The following TSHR variants were observed in gnomAD, a reference collection of about 807,000 sequenced individuals.
TSHR encodes thyrotropin receptor.
TSHR carries 51 observed loss-of-function variants against 64.1 expected under a neutral mutation model. That is an observed-to-expected ratio of 0.80 (90% CI 0.64 to 1.01). TSHR has a LOEUF of 1.01. TSHR is among the 50% of genes least tolerant of loss of function. The pLI, the probability that TSHR is intolerant of heterozygous loss-of-function variation, is 0.00. For missense variants in TSHR, 877 were observed against 942.8 expected, an observed-to-expected ratio of 0.93 and a Z score of 0.91; for synonymous variants, 361 against 361.9, an observed-to-expected ratio of 1.00 and a Z score of 0.03.
chr14:81,071,600 C>T (rs1018546310), intron 3 of TSHR, among the ~76,000 whole-genome samples: 10 of 151,712 alleles, frequency 6.6e-5, no homozygotes, highest in African/African-American at 2.4e-4. Context: ...CTTGTCTCTA[C>T]CAAAAAAAAA....
chr14:81,002,874 A>T (rs1889415785), intron 1 of TSHR, among the ~76,000 whole-genome samples: 1 of 59,264 alleles, frequency 1.7e-5, no homozygotes, highest in Non-Finnish European at 3.4e-5. Flanking sequence ...ACATGTGCAC[A>T]TTGTGCAGGT....
At chr14:81,116,790 C>T (rs1890534029) in intron 8 of TSHR, among the ~76,000 whole-genome samples, 2 of 150,980 alleles carry the variant, frequency 1.3e-5, no homozygotes, top group African/African-American at 4.9e-5. Flanking sequence ...AAGTAAAGTT[C>T]TCCTCAGCAA....
intron 1 of TSHR, among the ~76,000 whole-genome samples, chr14:80,958,830 A>G (rs978908747): frequency 1.3e-5 from 2 of 152,154 alleles, no homozygotes; most frequent in African/African-American, 4.8e-5. Context: ...CAAGTTTTGT[A>G]TTATTCAGAG....
At chr14:80,976,590 T>C (rs1005605504) in intron 1 of TSHR, among the ~76,000 whole-genome samples, 1 of 152,220 alleles carries the variant, frequency 6.6e-6, no homozygotes, top group Non-Finnish European at 1.5e-5. Flanking sequence ...ATTGAGCAAG[T>C]ATGTCCAACT....
intron 1 of TSHR, among the ~76,000 whole-genome samples, chr14:81,016,728 G>A (rs1254274896): frequency 6.6e-6 from 1 of 152,086 alleles, no homozygotes; most frequent in East Asian, 1.9e-4. Context: ...CAAGATCAAT[G>A]TCAAAGAGGT....
At chr14:81,049,049 C>T (rs1885308251) in intron 1 of TSHR, among the ~76,000 whole-genome samples, 1 of 152,154 alleles carries the variant, frequency 6.6e-6, no homozygotes, top group Admixed American at 6.5e-5. Flanking sequence ...TGTTATACAT[C>T]ATTTTCTTAA....
At chr14:81,120,335 A>T (rs1381398826) in intron 8 of TSHR, among the ~76,000 whole-genome samples, 5 of 152,164 alleles carry the variant, frequency 3.3e-5, no homozygotes, top group Non-Finnish European at 5.9e-5. Context: ...ACCTTCGAGG[A>T]AATCCATTGA....
chr14:81,025,592 A>T (rs1483955928), intron 1 of TSHR, among the ~76,000 whole-genome samples: 4 of 152,242 alleles, frequency 2.6e-5, no homozygotes, highest in Admixed American at 2.6e-4. Flanking sequence ...AATAGACAAT[A>T]CATTAAACTG....
intron 1 of TSHR, among the ~76,000 whole-genome samples, chr14:81,042,088 A>G (rs976394881): frequency 6.6e-6 from 1 of 152,202 alleles, no homozygotes; most frequent in Non-Finnish European, 1.5e-5. Flanking sequence ...AAAAGTCACA[A>G]TGAGATATCA....
Position 81,037,448 on chromosome 14 carries a change from A to C in TSHR, c.171-24700A>C, listed in dbSNP as rs866551184. Among the ~76,000 whole-genome samples the C allele has an allele frequency of 1.7e-3, 214 of 128,454 alleles. 1 individual carries two copies. The highest frequency in any genetic ancestry group is 2.2e-3 in the Non-Finnish European group (120 of 54,330). 84.3% of individuals were successfully genotyped at this position (128,454 alleles called of 152,430 possible). ...ACAAACAAACAAACAAACAAACAAA[A>C]AACAGAAAATGATCTAACAAAATGT... On this transcript the variant is annotated intron_variant, in intron 1 of 9. Coordinates refer to ENST00000298171, the MANE Select transcript of TSHR (RefSeq NM_000369.5).
At chr14:81,058,138 C>A (rs1056358027) in intron 1 of TSHR, among the ~76,000 whole-genome samples, 20 of 152,198 alleles carry the variant, frequency 1.3e-4, no homozygotes, top group African/African-American at 4.6e-4. Context: ...CCCATTGCTA[C>A]TGCAAGAACC....
At chr14:81,061,752 T>C (rs1886258966) in intron 1 of TSHR, among the ~76,000 whole-genome samples, 1 of 152,076 alleles carries the variant, frequency 6.6e-6, no homozygotes, top group African/African-American at 2.4e-5. Context: ...CCAGTTTACC[T>C]ATATAACAAA....
intron 1 of TSHR, among the ~76,000 whole-genome samples, chr14:81,060,432 C>T (rs1419546737): frequency 6.6e-6 from 1 of 151,970 alleles, no homozygotes; most frequent in Non-Finnish European, 1.5e-5. Flanking sequence ...TTTATGGGAC[C>T]TGAATTTCTG....
At chr14:80,998,999 C>T (rs1450445794) in intron 1 of TSHR, among the ~76,000 whole-genome samples, 1 of 152,142 alleles carries the variant, frequency 6.6e-6, no homozygotes, top group East Asian at 1.9e-4. Context: ...CAACTGGGGT[C>T]TTAGCATCAA....
rs763398101 is a variant in TSHR, at chr14:81,144,315, G to A, written c.2257G>A (p.Gly753Ser). 2.3e-5 allele frequency: 37 copies of A among 1,614,122 alleles called. No homozygotes were observed. In the East Asian group the frequency reaches 8.0e-4, roughly 35 times the overall value. ...CTCCCATCTAACCCCAAAGAAGCAA[G>A]GCCAAATCTCAGAAGAGTATATGCA... ...ENSHLTPKKQGQISEEYMQTV... is the reference protein window; with the variant it reads ...ENSHLTPKKQSQISEEYMQTV... Residue 753 changes from glycine (G) to serine (S), a missense_variant, in exon 10 of 10, where the codon GGC becomes AGC. Coordinates refer to ENST00000298171, the MANE Select transcript of TSHR (RefSeq NM_000369.5).
intron 1 of TSHR, among the ~76,000 whole-genome samples, chr14:81,011,920 C>A (rs1164318851): frequency 6.6e-6 from 1 of 151,838 alleles, no homozygotes; most frequent in Non-Finnish European, 1.5e-5. Context: ...CAAGGAAAAT[C>A]TTTTTTATTT....
intron 1 of TSHR, among the ~76,000 whole-genome samples, chr14:80,972,502 T>C (rs190932317): frequency 3.9e-5 from 6 of 152,250 alleles, no homozygotes; most frequent in African/African-American, 1.4e-4. Flanking sequence ...CAAATTCATG[T>C]CTCCCAACTC....
intron 7 of TSHR, chr14:81,104,069 A>G (rs778499109): frequency 9.1e-6 from 9 of 985,346 alleles, no homozygotes; most frequent in Admixed American, 6.2e-5. Context: ...GCTATTATTT[A>G]TCATGGGGTA....
intron 3 of TSHR, among the ~76,000 whole-genome samples, chr14:81,072,685 A>C (rs1407957496): frequency 6.6e-6 from 1 of 152,130 alleles, no homozygotes; most frequent in Non-Finnish European, 1.5e-5. Context: ...CTGAATTTTT[A>C]ATACTCGCTG....
Sources: allele counts gnomAD v4.1 joint callset (sites outside exome capture counted in the v4.1 genomes callset), GRCh38; gene constraint gnomAD v4.1.1; transcripts MANE v1.5; gene names NCBI Gene and HGNC (gene_info 2026-07-23, HGNC 2026-07-21).